MYO7A: variants seen among roughly 807,000 people sequenced by gnomAD.
MYO7A encodes unconventional myosin-VIIa.
In MYO7A, 210 loss-of-function variants were observed where a neutral mutation model predicts 263.8. That is an observed-to-expected ratio of 0.80 (90% CI 0.71 to 0.89). The LOEUF (loss-of-function observed/expected upper bound fraction) is 0.89, where lower values mean the gene tolerates loss of function less well. Ranked by LOEUF, MYO7A falls within the 40% of genes least tolerant of loss-of-function variation. MYO7A has a pLI of 0.00. For missense variants in MYO7A, 2,820 were observed against 2,968.3 expected (o/e 0.95, Z 1.16); for synonymous variants, 1,239 against 1,197.3 (o/e 1.03, Z -0.72).
At chr11:77,201,398 C>T (rs1219242501) in intron 35 of MYO7A, 50 bp from the exon 36 acceptor site, 2 of 1,555,472 alleles carry the variant, frequency 1.3e-6, no homozygotes, top group Admixed American at 1.9e-5. Flanking sequence ...GAAGATGTTC[C>T]AACTCAGCCT....
At position 77,213,044 on chromosome 11, in the gene MYO7A, G is replaced by C. The variant is rs1323681195; in HGVS notation, c.6438+9G>C. The C allele has an allele frequency of 6.4e-7, 1 of 1,564,112 alleles. No individual in the cohort carries two copies. The highest frequency in any genetic ancestry group is 1.9e-5 in the Admixed American group (1 of 52,744). Reference sequence around the variant, plus strand: ...TCGATCCCAAAACGAAGGTGAGCAGGGATAAGGCAGCAAGTGGGGGCGGGC... The same window carrying C: ...TCGATCCCAAAACGAAGGTGAGCAGCGATAAGGCAGCAAGTGGGGGCGGGC... On this transcript the variant is annotated intron_variant, in intron 47 of 48. Transcript: ENST00000409709.
intron 45 of MYO7A, 132 bp downstream of exon 45, chr11:77,211,469 G>A (rs868314765): frequency 2.4e-5 from 25 of 1,037,764 alleles, no homozygotes; most frequent in African/African-American, 9.6e-5. Flanking sequence ...TGATGAGGCC[G>A]CCCACCCTTG....
intron 8 of MYO7A, 120 bp from the exon 9 acceptor site, chr11:77,158,157 G>GT: frequency 8.4e-7 from 1 of 1,190,346 alleles, no homozygotes; most frequent in Non-Finnish European, 1.1e-6. Context: ...CAGCGCCTGG[G>GT]GCCCCGGGCT....
intron 2 of MYO7A, among the ~76,000 whole-genome samples, chr11:77,140,809 A>G (rs1555050219): frequency 1.3e-5 from 2 of 152,200 alleles, no homozygotes; most frequent in Non-Finnish European, 2.9e-5. Context: ...TCCACGCCCA[A>G]GCCTCTCCAA....
rs758783525 is a variant in MYO7A, at chr11:77,211,848, G to A, written c.6265G>A (p.Ala2089Thr). The A allele has an allele frequency of 5.5e-5, 89 of 1,613,838 alleles. No homozygotes were observed. Among genetic ancestry groups the A allele is most frequent in the South Asian group, 1.1e-4 (10 of 91,086 alleles). The change falls in exon 46 of 49, where the codon GCA (alanine) becomes ACA (threonine). Residue 2089 changes from alanine to threonine, a missense_variant. Physicochemically the swap from Ala to Thr is moderately conservative, Grantham distance 58. Transcript: ENST00000409709. Reference protein sequence around the residue: ...RSIVAYFNKHAGKSKEEAKLA... With the variant: ...RSIVAYFNKHTGKSKEEAKLA... ...CATCGTCGCCTACTTCAACAAGCACGCAGGGAAGTCCAAGGAGGAGGCCAA... is the reference window on the plus strand; with the variant it reads ...CATCGTCGCCTACTTCAACAAGCACACAGGGAAGTCCAAGGAGGAGGCCAA...
At chr11:77,137,221 G>A (rs990780151) in intron 2 of MYO7A, among the ~76,000 whole-genome samples, 7 of 152,172 alleles carry the variant, frequency 4.6e-5, no homozygotes, top group African/African-American at 9.7e-5. Context: ...AGTCAGCTTC[G>A]TGCTGGACAG....
At chr11:77,160,092 G>A in intron 10 of MYO7A, 71 bp from the exon 11 acceptor site, 3 of 1,517,706 alleles carry the variant, frequency 2.0e-6, no homozygotes, top group Non-Finnish European at 8.9e-7. Flanking sequence ...GCCGGAAAGT[G>A]GAGGGATCCG....
chr11:77,174,661 C>A, intron 16 of MYO7A, 95 bp from the exon 17 acceptor site: 1 of 1,379,404 alleles, frequency 7.2e-7, no homozygotes, highest in Non-Finnish European at 9.8e-7. Context: ...TGGACTTGGC[C>A]TTTCTGAGCC....
chr11:77,194,080 C>T (rs1956455745), intron 31 of MYO7A: 3 of 640,946 alleles, frequency 4.7e-6, no homozygotes, highest in Non-Finnish European at 8.7e-6. Context: ...TTCTTTGCAT[C>T]ACTTCATGTG....
At chr11:77,213,155 T>G in intron 47 of MYO7A, 120 bp downstream of exon 47, 2 of 759,576 alleles carry the variant, frequency 2.6e-6, no homozygotes, top group Non-Finnish European at 4.3e-6. Context: ...CATCCACCCA[T>G]CACGTGGCTT....
chr11:77,205,081 G>A (rs575690480), intron 39 of MYO7A, among the ~76,000 whole-genome samples: 7 of 152,308 alleles, frequency 4.6e-5, no homozygotes, highest in South Asian at 2.1e-4. Flanking sequence ...GAGCTTCTGC[G>A]AAAATATAAA....
chr11:77,180,363 C>T lies in MYO7A; in HGVS notation c.2587-11C>T, dbSNP rs1555083317. On this transcript the variant is annotated splice_polypyrimidine_tract_variant and intron_variant, in intron 21 of 48. Coordinates refer to ENST00000409709, the MANE Select transcript of MYO7A (RefSeq NM_000260.4). Reference sequence around the variant, plus strand: ...ACATTTCCATGCCCTCTGGATGCCCCCTTCCCTCAGTATCTGTGGCGCCTC... The same window carrying T: ...ACATTTCCATGCCCTCTGGATGCCCTCTTCCCTCAGTATCTGTGGCGCCTC... 7 of 1,610,442 alleles carry T rather than the reference C, an allele frequency of 4.3e-6. No individual in the cohort carries two copies. The highest frequency in any genetic ancestry group is 1.7e-4 in the Middle Eastern group (1 of 6,058).
At chr11:77,193,042 G>A (rs1226549210) in intron 31 of MYO7A, among the ~76,000 whole-genome samples, 1 of 139,540 alleles carries the variant, frequency 7.2e-6, no homozygotes, top group South Asian at 2.3e-4. Context: ...TGTTGGTGAT[G>A]GTGGAGGTGG....
chr11:77,153,678 G>T (rs1043505558), intron 4 of MYO7A, among the ~76,000 whole-genome samples: 5 of 152,202 alleles, frequency 3.3e-5, no homozygotes, highest in African/African-American at 1.2e-4. Flanking sequence ...TCCAGCCTGG[G>T]TGACCACCAT....
intron 33 of MYO7A, 50 bp from the exon 34 acceptor site, chr11:77,198,445 T>A (rs1956830186): frequency 4.4e-6 from 7 of 1,603,422 alleles, no homozygotes; most frequent in Non-Finnish European, 5.1e-6. Flanking sequence ...TGAGAAGGGC[T>A]GGGCCTGGGT....
intron 16 of MYO7A, among the ~76,000 whole-genome samples, chr11:77,173,842 C>A (rs781834534): frequency 6.6e-6 from 1 of 152,030 alleles, no homozygotes; most frequent in Non-Finnish European, 1.5e-5. Flanking sequence ...GCCTGAGGGT[C>A]GCAGAGGGCT....
chr11:77,155,879 C>T lies in MYO7A; in HGVS notation c.286-28C>T, dbSNP rs782044773. The T allele has an allele frequency of 3.1e-5, 48 of 1,542,802 alleles. No homozygotes were observed. In the Admixed American group the frequency reaches 4.7e-4, roughly 15 times the overall value. On this transcript the variant is annotated intron_variant, in intron 4 of 48. Coordinates refer to ENST00000409709, the MANE Select transcript of MYO7A (RefSeq NM_000260.4). Reference sequence around the variant, plus strand: ...GTCAGAGTCTCCCACATGGAATCAGCGAGCTCCCCATCTCTTGCTGCCCGC... The same window carrying T: ...GTCAGAGTCTCCCACATGGAATCAGTGAGCTCCCCATCTCTTGCTGCCCGC...
intron 35 of MYO7A, among the ~76,000 whole-genome samples, chr11:77,200,074 G>T (rs554165946): frequency 1.3e-5 from 2 of 152,108 alleles, no homozygotes; most frequent in Admixed American, 1.3e-4. Context: ...TTCAAGACCA[G>T]CCTGGGCAAC....
intron 26 of MYO7A, 148 bp from the exon 27 acceptor site, chr11:77,184,440 G>A: frequency 1.5e-6 from 1 of 680,748 alleles, no homozygotes; most frequent in Admixed American, 2.4e-5. Flanking sequence ...GCACGTGGCA[G>A]GGGTAATGAC....
Sources: gnomAD v4.1 joint callset for allele counts (sites outside exome capture counted in the v4.1 genomes callset) on GRCh38, gnomAD v4.1.1 for gene constraint, MANE v1.5 for transcripts, NCBI Gene and HGNC (gene_info 2026-07-23, HGNC 2026-07-21) for gene names.